The following LAMA1 variants were observed in gnomAD, a reference collection of about 807,000 sequenced individuals.
The protein encoded by LAMA1 is laminin subunit alpha-1.
LAMA1 carries 219 observed loss-of-function variants against 348.7 expected under a neutral mutation model. The observed-to-expected ratio is 0.63, with a 90% CI of 0.56 to 0.70. The LOEUF (loss-of-function observed/expected upper bound fraction) is 0.70, where lower values mean the gene tolerates loss of function less well. LAMA1 is among the 30% of genes least tolerant of loss of function. The pLI is 0.00. For synonymous variants in LAMA1, 1,487 were observed against 1,491.0 expected, an observed-to-expected ratio of 1.00 and a Z score of 0.06; for missense variants, 3,744 against 3,888.0, an observed-to-expected ratio of 0.96 and a Z score of 0.99.
chr18:7,019,587 C>A (rs2057905992), intron 19 of LAMA1, among the ~76,000 whole-genome samples: 1 of 151,024 alleles, frequency 6.6e-6, no homozygotes, highest in Non-Finnish European at 1.5e-5. Context: ...GGTGTGAAAT[C>A]TACAACTTGG....
In LAMA1 at chr18:6,999,932, T is replaced by A; in HGVS notation, c.4448A>T (p.Tyr1483Phe). Residue 1483 changes from tyrosine (Y) to phenylalanine (F), a missense_variant, in exon 31 of 63, where the codon TAT becomes TTT. Physicochemically the swap from Tyr to Phe is conservative, Grantham distance 22. Transcript: ENST00000389658. Reference sequence around the variant, plus strand: ...GTACCTTTCACAGTGTTTTCCTTCATAGCCCAGGAGACAGGCGTCACAACG... The same window carrying A: ...GTACCTTTCACAGTGTTTTCCTTCAAAGCCCAGGAGACAGGCGTCACAACG... ...DFRCDACLLGYEGKHCERCSS... is the reference protein window; with the variant it reads ...DFRCDACLLGFEGKHCERCSS... 1 of 1,614,142 alleles carries A rather than the reference T, an allele frequency of 6.2e-7. No individual in the cohort carries two copies. Among genetic ancestry groups the A allele is most frequent in the Non-Finnish European group, 8.5e-7 (1 of 1,179,974 alleles).
At chr18:6,976,195 T>C in intron 44 of LAMA1, 115 bp from the exon 45 acceptor site, 1 of 963,604 alleles carries the variant, frequency 1.0e-6, no homozygotes, top group Non-Finnish European at 1.7e-6. Context: ...TTTCCTCTCT[T>C]GATAACATAC....
chr18:6,992,397 T>C (rs1408816344), intron 36 of LAMA1, among the ~76,000 whole-genome samples, 164 bp downstream of exon 36: 2 of 152,228 alleles, frequency 1.3e-5, no homozygotes, highest in African/African-American at 2.4e-5. Flanking sequence ...GAGGGGTCAG[T>C]ACCCATCTCT....
intron 4 of LAMA1, among the ~76,000 whole-genome samples, chr18:7,049,541 C>T (rs1305978262): frequency 1.3e-5 from 2 of 152,160 alleles, no homozygotes; most frequent in Admixed American, 6.5e-5. Flanking sequence ...CTCAGGTGAT[C>T]CGCCTGCCTT....
intron 61 of LAMA1, among the ~76,000 whole-genome samples, chr18:6,944,471 A>G (rs2057513732): frequency 6.6e-6 from 1 of 152,202 alleles, no homozygotes; most frequent in South Asian, 2.1e-4. Flanking sequence ...TCATATGCTG[A>G]AGTCCTAACC....
At chr18:7,059,857 T>C (rs959994569) in intron 3 of LAMA1, among the ~76,000 whole-genome samples, 10 of 152,260 alleles carry the variant, frequency 6.6e-5, no homozygotes, top group African/African-American at 2.4e-4. Context: ...AACAGTTAAG[T>C]GCATTTGATA....
rs1054281132 is a variant in LAMA1 at position 6,978,123 on chromosome 18, C to G, written c.6190+73G>C. Reference sequence around the variant, plus strand: ...TTCAGGAATGTTGTGAAAAACGCACCACTGTGTGCTTAGCTAGCTCCACGT... The same window carrying G: ...TTCAGGAATGTTGTGAAAAACGCACGACTGTGTGCTTAGCTAGCTCCACGT... On this transcript the variant is annotated intron_variant, in intron 43 of 62. Transcript: ENST00000389658. 4.4e-6 allele frequency: 7 copies of G among 1,580,038 alleles called. No individual in the cohort carries two copies. The African/African-American group carries it at 9.4e-5, about 21-fold the overall frequency.
Position 6,947,185 on chromosome 18 carries a change from C to A in LAMA1, c.8822G>T (p.Gly2941Val), listed in dbSNP as rs2057525820. 1.2e-6 allele frequency: 2 copies of A among 1,614,096 alleles called. No individual in the cohort carries two copies. Among genetic ancestry groups the A allele is most frequent in the Non-Finnish European group, 8.5e-7 (1 of 1,180,054 alleles). ...CACCTTGCCGTCCACAAGCTCTAGT[C>A]CAATGGCATCCACTTTGGCAGTGCT... ...GISTAKVDAI[G>V]LELVDGKVLF... The change falls in exon 61 of 63, where the codon GGA becomes GTA. Residue 2941 changes from glycine (G) to valine (V), a missense_variant. Coordinates refer to ENST00000389658, the MANE Select transcript of LAMA1 (RefSeq NM_005559.4).
rs779885341 is a variant in LAMA1 at position 7,044,719 on chromosome 18, G to C, written c.976+3C>G. ...CTGACCTTCAGATTCTAAGTATACT[G>C]ACCTTCACATGTATTGCCGGAGGAC... On this transcript the variant is annotated splice_donor_region_variant and intron_variant, in intron 7 of 62. Coordinates refer to ENST00000389658, the MANE Select transcript of LAMA1 (RefSeq NM_005559.4). 1 of 1,609,218 alleles carries C rather than the reference G, an allele frequency of 6.2e-7. No homozygotes were observed. Among genetic ancestry groups the C allele is most frequent in the Non-Finnish European group, 8.5e-7 (1 of 1,175,538 alleles).
At chr18:7,035,744 G>C (rs1480856633) in intron 13 of LAMA1, among the ~76,000 whole-genome samples, 3 of 152,058 alleles carry the variant, frequency 2.0e-5, no homozygotes, top group Non-Finnish European at 2.9e-5. Context: ...TGAAAAGATG[G>C]GTACACCCTG....
At chr18:7,109,205 CG>C (rs767034447) in intron 1 of LAMA1, among the ~76,000 whole-genome samples, 9 of 152,140 alleles carry the variant, frequency 5.9e-5, no homozygotes, top group Admixed American at 2.0e-4. Flanking sequence ...ATCCAGAGTC[CG>C]GGGACCGGCT....
chr18:7,029,000 T>C (rs1329200143), intron 16 of LAMA1, among the ~76,000 whole-genome samples: 1 of 152,246 alleles, frequency 6.6e-6, no homozygotes, highest in African/African-American at 2.4e-5. Flanking sequence ...GTATTTTCAG[T>C]TTCTAAACCA....
chr18:7,011,443 C>T lies in LAMA1; in HGVS notation c.3544G>A (p.Val1182Ile). The T allele has an allele frequency of 6.2e-7, 1 of 1,608,640 alleles. No homozygotes were observed. The highest frequency in any genetic ancestry group is 8.5e-7 in the Non-Finnish European group (1 of 1,177,860). ...GTGCCCCTCAAGTTACTCTGAGAAA[C>T]CACACGCAGAAGAGGCTGATCGGAG... ...LGSDQPLLRV[V>I]SQSNLRGTTE... Residue 1182 changes from valine to isoleucine, a missense_variant, in exon 25 of 63, where the codon GTT becomes ATT. Transcript: ENST00000389658.
intron 35 of LAMA1, among the ~76,000 whole-genome samples, chr18:6,993,064 C>T (rs183674251): frequency 1.3e-5 from 2 of 152,312 alleles, no homozygotes; most frequent in African/African-American, 2.4e-5. Flanking sequence ...CATAAATAAA[C>T]CACCAATGCT....
chr18:7,042,403 A>G (rs648161), intron 8 of LAMA1, 153 bp from the exon 9 acceptor site: 278,565 of 637,704 alleles, frequency 0.44, 67,133 homozygotes, highest in African/African-American at 0.85. Flanking sequence ...GGAAGATAAG[A>G]TGATCCCAAG....
chr18:7,032,878 G>T, intron 15 of LAMA1, 106 bp downstream of exon 15: 1 of 821,494 alleles, frequency 1.2e-6, no homozygotes. Flanking sequence ...CAAACATTGG[G>T]CTGCTAAAGC....
chr18:7,075,348 C>T (rs1011386832), intron 3 of LAMA1, among the ~76,000 whole-genome samples: 2 of 152,140 alleles, frequency 1.3e-5, no homozygotes, highest in Non-Finnish European at 1.5e-5. Context: ...CAAGGTCAGG[C>T]GCGGTGGCTC....
chr18:7,034,817 A>G (rs545745663), intron 13 of LAMA1, 127 bp from the exon 14 acceptor site: 2 of 771,252 alleles, frequency 2.6e-6, no homozygotes, highest in East Asian at 5.3e-5. Flanking sequence ...GCAAACGTGT[A>G]ATGGTGTGTA....
rs1236042752 is a variant in LAMA1, at chr18:6,976,024, A to T, written c.6402T>A (p.Ile2134=). The T allele has an allele frequency of 1.2e-6, 2 of 1,614,188 alleles. No homozygotes were observed. Among genetic ancestry groups the T allele is most frequent in the Non-Finnish European group, 1.7e-6 (2 of 1,180,030 alleles). ...RDCIRAYQPQ[I]SSTNYNTLTL... is the part of the protein sequence containing the mutation. ...TTAAGGTATTGTAGTTGGTAGAGGAAATCTGAGGCTGGTAGGCCCGGATGC... is the reference window on the plus strand; with the variant it reads ...TTAAGGTATTGTAGTTGGTAGAGGATATCTGAGGCTGGTAGGCCCGGATGC... The change falls in exon 45 of 63, where the codon ATT becomes ATA. Residue 2134 remains isoleucine (I), a synonymous_variant. Coordinates refer to ENST00000389658, the MANE Select transcript of LAMA1 (RefSeq NM_005559.4).
Sources: allele counts gnomAD v4.1 joint callset (sites outside exome capture counted in the v4.1 genomes callset), GRCh38; gene constraint gnomAD v4.1.1; transcripts MANE v1.5; gene names NCBI Gene and HGNC (gene_info 2026-07-23, HGNC 2026-07-21).